TBCK: variants seen among roughly 807,000 people sequenced by gnomAD.
The protein encoded by TBCK is TBC1 domain containing kinase, also known as TBC domain-containing protein kinase-like protein.
Under a neutral mutation model 113.4 loss-of-function variants are expected in TBCK, and 99 were observed. The ratio of observed to expected loss-of-function variants is 0.87; its 90% CI spans 0.74 to 1.03. The LOEUF (loss-of-function observed/expected upper bound fraction) is 1.03, where lower values mean the gene tolerates loss of function less well. TBCK is among the 50% of genes least tolerant of loss of function. TBCK has a pLI of 0.00. For missense variants in TBCK, 1,045 were observed against 1,061.3 expected, an observed-to-expected ratio of 0.98 and a Z score of 0.21; for synonymous variants, 369 against 370.8, an observed-to-expected ratio of 1.00 and a Z score of 0.05.
chr4:106,256,323 G>A (rs186190904), intron 5 of TBCK, among the ~76,000 whole-genome samples: 34 of 152,196 alleles, frequency 2.2e-4, no homozygotes, highest in Non-Finnish European at 4.0e-4. Flanking sequence ...GCCACGGAGC[G>A]CCTGCCCGCC....
intron 20 of TBCK, among the ~76,000 whole-genome samples, chr4:106,196,146 A>G (rs1754209368): frequency 6.6e-6 from 1 of 151,924 alleles, no homozygotes; most frequent in African/African-American, 2.4e-5. Flanking sequence ...TATTCTCCTA[A>G]GTTTACTACC....
chr4:106,177,552 T>C (rs1314070451), intron 22 of TBCK, among the ~76,000 whole-genome samples: 1 of 151,960 alleles, frequency 6.6e-6, no homozygotes, highest in East Asian at 1.9e-4. Context: ...CATATGGAGA[T>C]ACAGTTTTCC....
At chr4:106,297,735 T>C (rs1344870016) in intron 2 of TBCK, 4 of 152,248 alleles carry the variant, frequency 2.6e-5, no homozygotes, top group Admixed American at 1.3e-4. Flanking sequence ...TTGCCTGAAA[T>C]GATCTTTCCC....
intron 25 of TBCK, among the ~76,000 whole-genome samples, chr4:106,074,277 T>C (rs564188893): frequency 6.6e-6 from 1 of 152,364 alleles, no homozygotes; most frequent in African/African-American, 2.4e-5. Context: ...TTTCTACTTT[T>C]TAAAAAAACT....
At chr4:106,208,552 G>A (rs1335597957) in intron 20 of TBCK, among the ~76,000 whole-genome samples, 1 of 152,000 alleles carries the variant, frequency 6.6e-6, no homozygotes, top group Non-Finnish European at 1.5e-5. Flanking sequence ...CCAACTTCAG[G>A]TAAGGGTGCT....
intron 24 of TBCK, among the ~76,000 whole-genome samples, chr4:106,110,632 A>T (rs72964420): frequency 0.027 from 4,183 of 152,296 alleles, 186 homozygotes; most frequent in African/African-American, 0.096. Context: ...ATCTGGGAAC[A>T]AGTGGGTAGA....
At chr4:106,053,488 T>C (rs1471369906) in intron 25 of TBCK, among the ~76,000 whole-genome samples, 1 of 151,710 alleles carries the variant, frequency 6.6e-6, no homozygotes, top group Non-Finnish European at 1.5e-5. Context: ...CTTCACTAGC[T>C]GTGCCTTCTC....
At chr4:106,053,134 A>G (rs1047070280) in intron 25 of TBCK, among the ~76,000 whole-genome samples, 1 of 151,562 alleles carries the variant, frequency 6.6e-6, no homozygotes, top group Non-Finnish European at 1.5e-5. Context: ...CTGTTCATCC[A>G]TAATTAAATT....
At chr4:106,313,546 C>T (rs1318447591) in intron 1 of TBCK, among the ~76,000 whole-genome samples, 3 of 152,086 alleles carry the variant, frequency 2.0e-5, no homozygotes, top group Admixed American at 1.3e-4. Context: ...AGCAAGTTTC[C>T]TTAGGATATA....
At position 106,194,763 on chromosome 4, in the gene TBCK, G is replaced by A; in HGVS notation, c.1861-9C>T. Reference sequence around the variant, plus strand: ...CAAGGGATGGCATAGAGCTATGAGTGGAAAAAGGGGTACAGGGAATGGATA... The same window carrying A: ...CAAGGGATGGCATAGAGCTATGAGTAGAAAAAGGGGTACAGGGAATGGATA... On this transcript the variant is annotated splice_polypyrimidine_tract_variant and intron_variant, in intron 20 of 25. Transcript: ENST00000394708. 6.4e-7 allele frequency: 1 copy of A among 1,571,866 alleles called. No individual in the cohort carries two copies. Among genetic ancestry groups the A allele is most frequent in the Admixed American group, 2.0e-5 (1 of 49,444 alleles).
At chr4:106,280,184 A>G (rs1270976556) in intron 3 of TBCK, among the ~76,000 whole-genome samples, 2 of 152,092 alleles carry the variant, frequency 1.3e-5, no homozygotes, top group Non-Finnish European at 2.9e-5. Flanking sequence ...CTGATGATAA[A>G]TGATGTTCAG....
intron 24 of TBCK, among the ~76,000 whole-genome samples, chr4:106,107,383 G>A (rs1742291016): frequency 6.6e-6 from 1 of 151,964 alleles, no homozygotes; most frequent in Admixed American, 6.6e-5. Context: ...CCACATAACT[G>A]GACATAAAAC....
chr4:106,117,538 A>G (rs1743674196), intron 23 of TBCK, among the ~76,000 whole-genome samples: 3 of 152,308 alleles, frequency 2.0e-5, no homozygotes, highest in South Asian at 4.1e-4. Flanking sequence ...TGTGTCTATG[A>G]TATTGCATAA....
intron 5 of TBCK, among the ~76,000 whole-genome samples, chr4:106,255,466 G>T (rs1017177037): frequency 6.6e-6 from 1 of 152,214 alleles, no homozygotes; most frequent in Non-Finnish European, 1.5e-5. Flanking sequence ...TGGCAAGCAG[G>T]TCCAGGTGCT....
At chr4:106,085,594 C>G (rs1041421264) in intron 25 of TBCK, among the ~76,000 whole-genome samples, 5 of 152,214 alleles carry the variant, frequency 3.3e-5, no homozygotes, top group African/African-American at 1.2e-4. Flanking sequence ...GAACTCAGCT[C>G]TGGATCAAGT....
At chr4:106,240,070 G>A (rs1267521287) in intron 12 of TBCK, among the ~76,000 whole-genome samples, 1 of 151,830 alleles carries the variant, frequency 6.6e-6, no homozygotes, top group Non-Finnish European at 1.5e-5. Context: ...ATACAAACAT[G>A]GCTCAACATT....
At chr4:106,214,546 G>C (rs990126553) in intron 19 of TBCK, among the ~76,000 whole-genome samples, 33 of 152,206 alleles carry the variant, frequency 2.2e-4, no homozygotes, top group African/African-American at 7.2e-4. Flanking sequence ...GAAAACCAAG[G>C]CTCGAGAACT....
At chr4:106,208,188 G>T (rs1755741210) in intron 20 of TBCK, among the ~76,000 whole-genome samples, 1 of 152,094 alleles carries the variant, frequency 6.6e-6, no homozygotes, top group Non-Finnish European at 1.5e-5. Flanking sequence ...AAATCCCTAG[G>T]CAGATGGGGC....
chr4:106,217,345 A>C (rs1478489230), intron 19 of TBCK, among the ~76,000 whole-genome samples: 2 of 152,240 alleles, frequency 1.3e-5, no homozygotes, highest in East Asian at 3.9e-4. Flanking sequence ...CCTATTCAAC[A>C]TAGTGTTGGA....
Sources: allele counts gnomAD v4.1 joint callset (sites outside exome capture counted in the v4.1 genomes callset), GRCh38; gene constraint gnomAD v4.1.1; transcripts MANE v1.5; gene names NCBI Gene and HGNC (gene_info 2026-07-23, HGNC 2026-07-21).